Variants in KHDRBS2 observed in about 807,000 individuals in gnomAD.
The protein encoded by KHDRBS2 is KH RNA binding domain containing, signal transduction associated 2.
In KHDRBS2, 26 loss-of-function variants were observed where a neutral mutation model predicts 44.3. The observed-to-expected ratio is 0.59, with a 90% confidence interval of 0.43 to 0.81. The LOEUF (loss-of-function observed/expected upper bound fraction) is 0.81, where lower values mean the gene tolerates loss of function less well. Ranked by LOEUF, KHDRBS2 falls within the 40% of genes least tolerant of loss-of-function variation. The probability of loss-of-function intolerance (pLI) is 0.00; values close to 1 mark genes in which losing one functional copy is unlikely to be tolerated. For missense variants in KHDRBS2, 476 were observed against 433.1 expected, an observed-to-expected ratio of 1.10 and a Z score of -0.88; for synonymous variants, 194 against 151.1, an observed-to-expected ratio of 1.28 and a Z score of -2.08.
the KHDRBS2 span, among the ~76,000 whole-genome samples, chr6:61,588,439 A>G: frequency 1.3e-5 from 2 of 152,182 alleles, no homozygotes; most frequent in Non-Finnish European, 2.9e-5. Flanking sequence ...ATTGCCTGAG[A>G]ATGTGAGAGT....
At chr6:61,845,196 G>C (rs562100418) in intron 6 of KHDRBS2, among the ~76,000 whole-genome samples, 1 of 151,994 alleles carries the variant, frequency 6.6e-6, no homozygotes, top group Admixed American at 6.6e-5. Flanking sequence ...ATTCAAAAAC[G>C]TGTAGCTTTT....
chr6:61,671,244 T>C, the KHDRBS2 span, among the ~76,000 whole-genome samples: 1 of 151,628 alleles, frequency 6.6e-6, no homozygotes, highest in Admixed American at 6.6e-5. Context: ...GCATCTCCAA[T>C]TTTCTCCTGG....
chr6:61,556,247 G>T, the KHDRBS2 span, among the ~76,000 whole-genome samples: 2 of 152,172 alleles, frequency 1.3e-5, no homozygotes, highest in East Asian at 3.9e-4. Context: ...CGGGCAGGGG[G>T]CAGAGCTACT....
intron 2 of KHDRBS2, among the ~76,000 whole-genome samples, chr6:62,121,927 A>G (rs1562912816): frequency 1.3e-5 from 2 of 152,120 alleles, no homozygotes; most frequent in Non-Finnish European, 2.9e-5. Context: ...TTCTAAGGCG[A>G]AGGATAAGTT....
chr6:61,568,317 G>T, the KHDRBS2 span, among the ~76,000 whole-genome samples: 2 of 152,066 alleles, frequency 1.3e-5, no homozygotes, highest in African/African-American at 2.4e-5. Flanking sequence ...TTCTTTGGCT[G>T]CTCAGGCTCT....
intron 1 of KHDRBS2, among the ~76,000 whole-genome samples, chr6:62,221,717 C>T (rs1188301585): frequency 6.6e-6 from 1 of 151,970 alleles, no homozygotes; most frequent in Non-Finnish European, 1.5e-5. Flanking sequence ...CAAATTTCAT[C>T]CTCTCAACAA....
At chr6:62,052,404 T>C (rs1789267930) in intron 2 of KHDRBS2, among the ~76,000 whole-genome samples, 1 of 151,802 alleles carries the variant, frequency 6.6e-6, no homozygotes, top group South Asian at 2.1e-4. Flanking sequence ...ATCTCATTTA[T>C]ATATGGAATC....
intron 2 of KHDRBS2, among the ~76,000 whole-genome samples, chr6:62,094,484 T>C (rs1438889810): frequency 6.6e-6 from 1 of 151,924 alleles, no homozygotes; most frequent in African/African-American, 2.4e-5. Context: ...ATTTTGTAGG[T>C]TATCTCTTTG....
intron 1 of KHDRBS2, among the ~76,000 whole-genome samples, chr6:62,202,239 A>G (rs1172562753): frequency 6.6e-6 from 1 of 152,110 alleles, no homozygotes; most frequent in Non-Finnish European, 1.5e-5. Context: ...TGAATTCTTT[A>G]GAGACTGTGT....
At chr6:61,722,239 T>C (rs1772727857) in intron 7 of KHDRBS2, among the ~76,000 whole-genome samples, 1 of 152,178 alleles carries the variant, frequency 6.6e-6, no homozygotes, top group African/African-American at 2.4e-5. Flanking sequence ...TCTAAAATTC[T>C]CTTTTTTGGT....
chr6:61,730,309 C>T (rs1277503115), intron 7 of KHDRBS2, among the ~76,000 whole-genome samples: 1 of 152,094 alleles, frequency 6.6e-6, no homozygotes, highest in Non-Finnish European at 1.5e-5. Flanking sequence ...CAGAGAAGCA[C>T]ATAAATATTC....
chr6:62,156,132 T>C (rs1341747309), intron 2 of KHDRBS2, among the ~76,000 whole-genome samples: 1 of 152,292 alleles, frequency 6.6e-6, no homozygotes, highest in Non-Finnish European at 1.5e-5. Flanking sequence ...ATCTTAGCAA[T>C]GCCATCAATC....
chr6:61,920,217 C>T (rs1807809415), intron 4 of KHDRBS2, among the ~76,000 whole-genome samples: 1 of 151,718 alleles, frequency 6.6e-6, no homozygotes, highest in African/African-American at 2.4e-5. Context: ...ACTGTGTGGC[C>T]CCATTGCCTG....
At chr6:62,215,201 C>G (rs1320279278) in intron 1 of KHDRBS2, among the ~76,000 whole-genome samples, 4 of 151,816 alleles carry the variant, frequency 2.6e-5, no homozygotes, top group Non-Finnish European at 5.9e-5. Flanking sequence ...CTTATATACA[C>G]AAGAGAGTTT....
At chr6:61,663,239 A>G in the KHDRBS2 span, among the ~76,000 whole-genome samples, 14 of 86,962 alleles carry the variant, frequency 1.6e-4, no homozygotes, top group Non-Finnish European at 2.2e-4. Context: ...ATCACACACC[A>G]GGGCCTGTTG....
chr6:61,762,661 C>T (rs971172349), intron 6 of KHDRBS2, among the ~76,000 whole-genome samples: 25 of 152,174 alleles, frequency 1.6e-4, no homozygotes, highest in Non-Finnish European at 3.2e-4. Flanking sequence ...GTTTTCTAGC[C>T]AGCAGAATTG....
At chr6:62,027,054 G>A (rs1404705613) in intron 3 of KHDRBS2, among the ~76,000 whole-genome samples, 2 of 150,910 alleles carry the variant, frequency 1.3e-5, no homozygotes, top group African/African-American at 2.4e-5. Context: ...TACATGTGGA[G>A]AATGTCTTTG....
intron 7 of KHDRBS2, among the ~76,000 whole-genome samples, chr6:61,710,854 A>G (rs1459246640): frequency 1.5e-5 from 2 of 133,636 alleles, no homozygotes; most frequent in East Asian, 2.1e-4. Flanking sequence ...TTTAACATCT[A>G]GTATGCATAA....
At chr6:61,564,697 A>C in the KHDRBS2 span, among the ~76,000 whole-genome samples, 1 of 152,108 alleles carries the variant, frequency 6.6e-6, no homozygotes, top group Non-Finnish European at 1.5e-5. Flanking sequence ...GTGGAGCTGG[A>C]GATAGGGCAT....
Sources: allele counts gnomAD v4.1 joint callset (sites outside exome capture counted in the v4.1 genomes callset), GRCh38; gene constraint gnomAD v4.1.1; transcripts MANE v1.5; gene names NCBI Gene and HGNC (gene_info 2026-07-23, HGNC 2026-07-21).